The following PUDP variants were observed in gnomAD, a reference collection of about 807,000 sequenced individuals.
PUDP encodes pseudouridine-5'-phosphatase.
A neutral mutation model predicts 9.4 loss-of-function variants in PUDP; 8 were observed. The observed-to-expected ratio is 0.85, with a 90% CI of 0.50 to 1.53. The LOEUF (loss-of-function observed/expected upper bound fraction) is 1.53. PUDP is among the 40% of genes most tolerant of loss of function. The pLI is 0.00. For synonymous variants in PUDP, 99 were observed against 80.7 expected (o/e 1.23, Z -1.22); for missense variants, 188 against 189.7 (o/e 0.99, Z 0.05).
intron 2 of PUDP, among the ~76,000 whole-genome samples, chrX:7,101,456 G>A (rs1405746054): frequency 2.7e-5 from 3 of 110,172 alleles, no homozygotes; most frequent in African/African-American, 3.4e-5. Context: ...ATACCTGCTC[G>A]CTTAGAAAGC....
intron 3 of PUDP, among the ~76,000 whole-genome samples, chrX:6,908,051 C>T (rs769728728): frequency 1.8e-5 from 2 of 112,213 alleles, no homozygotes; most frequent in Non-Finnish European, 3.8e-5. Flanking sequence ...TAGCGACCTG[C>T]GAGGTCCAGC....
chrX:6,810,597 T>G (rs931553799), intron 3 of PUDP, among the ~76,000 whole-genome samples: 2 of 111,518 alleles, frequency 1.8e-5, no homozygotes, highest in Admixed American at 1.9e-4. Context: ...AATGGCCCTA[T>G]GAATTCCCAA....
chrX:6,968,580 G>T lies in PUDP; in HGVS notation c.*247+8553C>A, dbSNP rs185472944. On this transcript the variant is annotated intron_variant and NMD_transcript_variant, in intron 3 of 3. Transcript: ENST00000655425. ...CTCTTAAAGCTGCAGTGTGCTGGCT[G>T]AGCAGGGGTCTGTGTTTTAGGGGGT... is the stretch of plus-strand genomic sequence containing the variant. 2.2e-3 allele frequency among the ~76,000 whole-genome samples: 241 copies of T among 111,015 alleles called. 2 individuals carry two copies. Among genetic ancestry groups the T allele is most frequent in the Middle Eastern group, 9.3e-3 (2 of 216 alleles).
chrX:6,785,507 T>C (rs767172557), intron 3 of PUDP, among the ~76,000 whole-genome samples: 35 of 111,702 alleles, frequency 3.1e-4, no homozygotes, highest in Non-Finnish European at 4.9e-4. Flanking sequence ...TGCACCTTAA[T>C]TGTGTTATCT....
chrX:7,077,677 G>A (rs758573320), intron 2 of PUDP, among the ~76,000 whole-genome samples: 21 of 112,390 alleles, frequency 1.9e-4, no homozygotes, highest in East Asian at 5.6e-4. Context: ...TGAGCGATAC[G>A]TTTCCCAAAG....
intron 2 of PUDP, among the ~76,000 whole-genome samples, chrX:7,102,342 C>T (rs5978950): frequency 0.33 from 33,515 of 101,915 alleles, 4,678 homozygotes; most frequent in Middle Eastern, 0.45. Context: ...AAACAAAAAC[C>T]GCAATTGATG....
At chrX:6,948,163 A>G (rs189313412) in intron 3 of PUDP, among the ~76,000 whole-genome samples, 1 of 112,469 alleles carries the variant, frequency 8.9e-6, no homozygotes, top group African/African-American at 3.2e-5. Context: ...CACTATTTTT[A>G]TATTGACTCA....
chrX:7,067,838 T>C (rs960443971), intron 3 of PUDP, among the ~76,000 whole-genome samples: 1 of 111,396 alleles, frequency 9.0e-6, no homozygotes, highest in Non-Finnish European at 1.9e-5. Flanking sequence ...TGGAAGGTAA[T>C]TGAATCAGGG....
intron 3 of PUDP, among the ~76,000 whole-genome samples, chrX:6,757,987 T>C (rs761602132): frequency 3.6e-5 from 4 of 112,294 alleles, no homozygotes; most frequent in Non-Finnish European, 7.5e-5. Context: ...ATGGATATCG[T>C]TTCGATGTGG....
intron 3 of PUDP, among the ~76,000 whole-genome samples, chrX:6,976,472 G>A (rs1003543816): frequency 1.6e-4 from 18 of 111,629 alleles, no homozygotes; most frequent in African/African-American, 4.6e-4. Flanking sequence ...CCAACCTCTC[G>A]CACTTCCTGG....
At chrX:7,077,165 T>C (rs1454025631) in intron 3 of PUDP, 55 bp downstream of exon 3, 2 of 1,157,057 alleles carry the variant, frequency 1.7e-6, no homozygotes, top group Non-Finnish European at 2.3e-6. Flanking sequence ...TACATGGATA[T>C]TATTTGGTGG....
In PUDP at chrX:6,720,281, TATATATAC is replaced by T. The variant is rs1301098470; in HGVS notation, n.128+1128_128+1135del. Among the ~76,000 whole-genome samples the T allele has an allele frequency of 5.0e-4, 45 of 89,501 alleles. 1 individual carries two copies. Among genetic ancestry groups the T allele is most frequent in the African/African-American group, 1.9e-3 (43 of 23,228 alleles). The allele number at this position is 89,501 out of a possible 115,157, so 77.7% of individuals were successfully genotyped here. On this transcript the variant is annotated intron_variant and non_coding_transcript_variant, in intron 1 of 2. Coordinates refer to the PUDP transcript ENST00000438499. Reference sequence around the variant, plus strand: ...GTGTATATATATATATATATATATATATATATACACACACACACATAAATATGAATAGT... The same window carrying T: ...GTGTATATATATATATATATATATATACACACACACATAAATATGAATAGT...
intron 3 of PUDP, among the ~76,000 whole-genome samples, chrX:6,736,225 C>T (rs764654866): frequency 9.0e-6 from 1 of 111,098 alleles, no homozygotes; most frequent in Non-Finnish European, 1.9e-5. Flanking sequence ...AATTTAAACT[C>T]GTATCCTCAG....
At chrX:6,749,456 G>C (rs1445867771) in intron 3 of PUDP, among the ~76,000 whole-genome samples, 1 of 111,368 alleles carries the variant, frequency 9.0e-6, no homozygotes, top group East Asian at 2.8e-4. Flanking sequence ...GTTGTGTTTA[G>C]GCTGCAATTG....
intron 3 of PUDP, among the ~76,000 whole-genome samples, chrX:6,923,788 C>T (rs1433592236): frequency 9.0e-6 from 1 of 111,565 alleles, no homozygotes; most frequent in Non-Finnish European, 1.9e-5. Flanking sequence ...TCAGCTCACA[C>T]CTTCTAGTGG....
At chrX:7,135,914 A>C (rs926199523) in intron 1 of PUDP, among the ~76,000 whole-genome samples, 2 of 110,966 alleles carry the variant, frequency 1.8e-5, no homozygotes, top group Non-Finnish European at 3.8e-5. Context: ...CCATAATACC[A>C]CTGCCAAACC....
chrX:7,019,945 AT>A (rs763692463), intron 1 of PUDP, among the ~76,000 whole-genome samples: 7 of 110,031 alleles, frequency 6.4e-5, no homozygotes, highest in African/African-American at 1.7e-4. Flanking sequence ...GATTGGGAGA[AT>A]TTTTTTTTAA....
intron 3 of PUDP, among the ~76,000 whole-genome samples, chrX:6,876,549 C>A (rs1927257010): frequency 9.2e-6 from 1 of 109,186 alleles, no homozygotes; most frequent in Admixed American, 9.8e-5. Context: ...TATGTATAAA[C>A]ACACACATAC....
At chrX:7,104,858 C>T (rs1484846577) in intron 2 of PUDP, among the ~76,000 whole-genome samples, 1 of 111,962 alleles carries the variant, frequency 8.9e-6, no homozygotes, top group Non-Finnish European at 1.9e-5. Context: ...AGTAGGTATG[C>T]TTCATATTAA....
Sources: allele counts gnomAD v4.1 joint callset (sites outside exome capture counted in the v4.1 genomes callset), GRCh38; gene constraint gnomAD v4.1.1; transcripts MANE v1.5; gene names NCBI Gene and HGNC (gene_info 2026-07-23, HGNC 2026-07-21).